The following MYO16 variants were observed in gnomAD, a reference collection of about 807,000 sequenced individuals.
The protein encoded by MYO16 is unconventional myosin-XVI.
In MYO16, 94 loss-of-function variants were observed where a neutral mutation model predicts 205.3. The observed-to-expected ratio is 0.46, with a 90% CI of 0.39 to 0.54. The LOEUF (loss-of-function observed/expected upper bound fraction) is 0.54, where lower values mean the gene tolerates loss of function less well. Ranked by LOEUF, MYO16 falls within the 20% of genes least tolerant of loss-of-function variation. The probability of loss-of-function intolerance (pLI) is 0.00; values close to 1 mark genes in which losing one functional copy is unlikely to be tolerated. For synonymous variants in MYO16, 988 were observed against 954.0 expected (o/e 1.04, Z -0.66); for missense variants, 2,315 against 2,387.5 (o/e 0.97, Z 0.63).
intron 6 of MYO16, among the ~76,000 whole-genome samples, chr13:108,800,124 G>T (rs375009407): frequency 5.9e-5 from 9 of 152,152 alleles, no homozygotes; most frequent in East Asian, 1.9e-4. Flanking sequence ...GGACACTCCA[G>T]ATTTTCTCTG....
intron 20 of MYO16, among the ~76,000 whole-genome samples, chr13:108,973,155 G>C (rs965754740): frequency 1.3e-5 from 2 of 151,812 alleles, no homozygotes; most frequent in African/African-American, 2.4e-5. Context: ...TGGAGCCTTA[G>C]TTTTTTTGTT....
At chr13:109,027,420 A>C (rs1038161624) in intron 23 of MYO16, among the ~76,000 whole-genome samples, 2 of 152,222 alleles carry the variant, frequency 1.3e-5, no homozygotes, top group Non-Finnish European at 2.9e-5. Flanking sequence ...AGCAGTGACA[A>C]CACTGTGTCT....
chr13:108,531,322 G>A, the MYO16 span, among the ~76,000 whole-genome samples: 2 of 152,206 alleles, frequency 1.3e-5, no homozygotes, highest in African/African-American at 2.4e-5. Flanking sequence ...TGGAGGAGGA[G>A]GAAGAACATC....
chr13:108,729,830 G>T (rs190501291), intron 4 of MYO16, among the ~76,000 whole-genome samples: 80 of 152,102 alleles, frequency 5.3e-4, no homozygotes, highest in Non-Finnish European at 9.4e-4. Context: ...ATCGGAAAGA[G>T]CAAGAGGACT....
chr13:108,704,821 C>T (rs1883442899), intron 2 of MYO16, among the ~76,000 whole-genome samples: 1 of 150,736 alleles, frequency 6.6e-6, no homozygotes, highest in South Asian at 2.1e-4. Context: ...AGGAATGTTA[C>T]AATAAAGGTT....
the MYO16 span, among the ~76,000 whole-genome samples, chr13:108,510,449 A>T: frequency 5.3e-3 from 468 of 88,618 alleles, 16 homozygotes; most frequent in African/African-American, 0.019. Context: ...TTTATATTTA[A>T]CATTGATAGC....
At chr13:108,870,416 G>C (rs1391012460) in intron 12 of MYO16, among the ~76,000 whole-genome samples, 1 of 151,954 alleles carries the variant, frequency 6.6e-6, no homozygotes, top group African/African-American at 2.4e-5. Flanking sequence ...GAATTGGAAG[G>C]TGTACTCTGT....
At chr13:109,051,010 T>C (rs1318281694) in intron 24 of MYO16, among the ~76,000 whole-genome samples, 2 of 152,176 alleles carry the variant, frequency 1.3e-5, no homozygotes, top group Non-Finnish European at 2.9e-5. Flanking sequence ...AACTCCAAGA[T>C]CTGGAGGCTG....
chr13:108,878,605 A>C (rs1879439840), intron 12 of MYO16, among the ~76,000 whole-genome samples: 1 of 152,236 alleles, frequency 6.6e-6, no homozygotes, highest in Non-Finnish European at 1.5e-5. Flanking sequence ...CTGCCCTTGC[A>C]AAAAAGGCAG....
At chr13:109,133,724 A>G (rs1351066465) in intron 31 of MYO16, among the ~76,000 whole-genome samples, 4 of 152,212 alleles carry the variant, frequency 2.6e-5, no homozygotes, top group East Asian at 1.9e-4. Flanking sequence ...CAAACATTTT[A>G]TGCATCAATA....
intron 4 of MYO16, among the ~76,000 whole-genome samples, chr13:108,746,314 G>A (rs1374094825): frequency 2.0e-5 from 3 of 152,216 alleles, no homozygotes; most frequent in Non-Finnish European, 4.4e-5. Flanking sequence ...CTGACAGCCA[G>A]CAGGACTTTC....
At chr13:108,981,587 C>T (rs1161257769) in intron 20 of MYO16, among the ~76,000 whole-genome samples, 1 of 152,242 alleles carries the variant, frequency 6.6e-6, no homozygotes, top group Admixed American at 6.5e-5. Flanking sequence ...TAAGGCCAGG[C>T]TGGCCTGCTG....
chr13:108,632,107 T>A (rs1880012026), intron 1 of MYO16, among the ~76,000 whole-genome samples: 1 of 143,600 alleles, frequency 7.0e-6, no homozygotes, highest in African/African-American at 2.6e-5. Context: ...AAAGAGTGAA[T>A]GCCCTCATGG....
chr13:109,048,328 T>A (rs770263002), intron 24 of MYO16: 1 of 754,854 alleles, frequency 1.3e-6, no homozygotes, highest in South Asian at 1.4e-5. Flanking sequence ...TCTTTTTTTT[T>A]ATTCTTTAGG....
At chr13:108,681,697 A>AAG (rs977814170) in intron 2 of MYO16, among the ~76,000 whole-genome samples, 2 of 152,014 alleles carry the variant, frequency 1.3e-5, no homozygotes, top group African/African-American at 4.8e-5. Context: ...GTGGTAAATA[A>AAG]AGAGAGAGAG....
intron 16 of MYO16, among the ~76,000 whole-genome samples, chr13:108,916,762 C>A (rs968817928): frequency 3.3e-5 from 5 of 152,138 alleles, no homozygotes; most frequent in African/African-American, 1.2e-4. Context: ...TTCCGTCCTG[C>A]CTTCTGTTCT....
chr13:109,102,223 G>A (rs1200629308), intron 28 of MYO16, among the ~76,000 whole-genome samples: 2 of 152,106 alleles, frequency 1.3e-5, no homozygotes, highest in Admixed American at 6.6e-5. Flanking sequence ...GAAGGAGGAA[G>A]AAGGAGGAAT....
chr13:108,676,832 T>C (rs1882233328), intron 2 of MYO16, among the ~76,000 whole-genome samples: 1 of 152,092 alleles, frequency 6.6e-6, no homozygotes, highest in South Asian at 2.1e-4. Context: ...GTGTCTTTGC[T>C]CCAGGGATTC....
intron 21 of MYO16, among the ~76,000 whole-genome samples, chr13:108,994,049 G>A (rs540425824): frequency 3.9e-5 from 6 of 151,946 alleles, no homozygotes; most frequent in East Asian, 3.9e-4. Flanking sequence ...TGATGAATAC[G>A]TGCAAAACTT....
Sources: gnomAD v4.1 joint callset for allele counts (sites outside exome capture counted in the v4.1 genomes callset) on GRCh38, gnomAD v4.1.1 for gene constraint, MANE v1.5 for transcripts, NCBI Gene and HGNC (gene_info 2026-07-23, HGNC 2026-07-21) for gene names.